Variants in CHODL observed in about 807,000 individuals in gnomAD.
CHODL encodes the protein transmembrane protein MT75.
Under a neutral mutation model 34.5 loss-of-function variants are expected in CHODL, and 29 were observed. The observed-to-expected ratio is 0.84, with a 90% CI of 0.63 to 1.15. The LOEUF is 1.15. CHODL is among the 50% of genes most tolerant of loss of function. The pLI is 0.00. For missense variants in CHODL, 332 were observed against 332.5 expected (o/e 1.00, Z 0.01); for synonymous variants, 125 against 116.1 (o/e 1.08, Z -0.49).
At chr21:18,161,055 G>A (rs544878157) in intron 2 of CHODL, among the ~76,000 whole-genome samples, 1 of 152,190 alleles carries the variant, frequency 6.6e-6, no homozygotes, top group South Asian at 2.1e-4. Context: ...TCTCATTGTG[G>A]TTTTGATTTA....
intron 1 of CHODL, among the ~76,000 whole-genome samples, chr21:17,968,112 T>C (rs769319680): frequency 6.6e-6 from 1 of 152,196 alleles, no homozygotes; most frequent in Non-Finnish European, 1.5e-5. Flanking sequence ...TTTGCCTAGG[T>C]CTGTTGAGAA....
At chr21:18,017,071 T>G (rs2064082092) in intron 1 of CHODL, among the ~76,000 whole-genome samples, 1 of 152,304 alleles carries the variant, frequency 6.6e-6, no homozygotes, top group African/African-American at 2.4e-5. Flanking sequence ...AAGGGACTTG[T>G]CTTGTCTCAG....
chr21:17,964,888 A>G lies in CHODL; in HGVS notation c.-145+47488A>G, dbSNP rs149542875. Among the ~76,000 whole-genome samples the G allele has an allele frequency of 5.4e-4, 83 of 152,324 alleles. 1 individual carries two copies. The East Asian group carries it at 6.9e-3, about 13-fold the overall frequency. ...GTGCCACAGATGTGTTGGGGCAGCAACTGCTGGTTTCCCCATGTCCTGTTT... is the reference window on the plus strand; with the variant it reads ...GTGCCACAGATGTGTTGGGGCAGCAGCTGCTGGTTTCCCCATGTCCTGTTT... On this transcript the variant is annotated intron_variant, in intron 1 of 6. Transcript: ENST00000400127.
At chr21:18,192,223 G>C (rs2073519526) in intron 2 of CHODL, among the ~76,000 whole-genome samples, 1 of 152,128 alleles carries the variant, frequency 6.6e-6, no homozygotes, top group African/African-American at 2.4e-5. Flanking sequence ...CATACAGTCA[G>C]TATGAGATAT....
chr21:18,224,094 C>T (rs1414395911), intron 2 of CHODL, among the ~76,000 whole-genome samples: 1 of 152,088 alleles, frequency 6.6e-6, no homozygotes, highest in Non-Finnish European at 1.5e-5. Flanking sequence ...CTTCTTGGGA[C>T]TCTGAATACT....
At chr21:18,155,182 G>A (rs551181513) in intron 2 of CHODL, among the ~76,000 whole-genome samples, 14 of 152,250 alleles carry the variant, frequency 9.2e-5, no homozygotes, top group South Asian at 8.3e-4. Context: ...GGAAACAAAT[G>A]AGAGATGTGT....
chr21:18,187,283 A>G lies in CHODL; in HGVS notation c.-44-69226A>G, dbSNP rs117670066. On this transcript the variant is annotated intron_variant, in intron 2 of 6. Coordinates refer to the CHODL transcript ENST00000400127. ...GCATTGAACTACCATCCTAAACTGT[A>G]CTCCTCCTTGTTCATTCTTCTCTTC... 4.0e-3 allele frequency among the ~76,000 whole-genome samples: 605 copies of G among 151,472 alleles called. 5 individuals carry two copies. Among genetic ancestry groups the G allele is most frequent in the Non-Finnish European group, 5.5e-3 (375 of 67,796 alleles).
chr21:17,972,507 C>T (rs929067434), intron 1 of CHODL, among the ~76,000 whole-genome samples: 1 of 152,150 alleles, frequency 6.6e-6, no homozygotes, highest in Non-Finnish European at 1.5e-5. Flanking sequence ...AATAGACAAA[C>T]TGAGAGCCAA....
intron 2 of CHODL, among the ~76,000 whole-genome samples, chr21:18,061,045 AC>A (rs760870806): frequency 6.6e-6 from 1 of 152,200 alleles, no homozygotes; most frequent in Non-Finnish European, 1.5e-5. Flanking sequence ...TCTTTCAGGT[AC>A]AAAATGAGAC....
At chr21:18,059,463 A>G (rs1265773700) in intron 2 of CHODL, among the ~76,000 whole-genome samples, 1 of 150,226 alleles carries the variant, frequency 6.7e-6, no homozygotes, top group Non-Finnish European at 1.5e-5. Context: ...TAAAAGGTCC[A>G]TCTAACTGCC....
intron 2 of CHODL, among the ~76,000 whole-genome samples, chr21:18,068,432 G>A (rs1221307670): frequency 1.3e-5 from 2 of 152,092 alleles, no homozygotes; most frequent in Non-Finnish European, 2.9e-5. Flanking sequence ...CCTGATCTCA[G>A]GTGATCCACC....
intron 1 of CHODL, among the ~76,000 whole-genome samples, chr21:18,014,763 T>C (rs2064055328): frequency 6.6e-6 from 1 of 152,210 alleles, no homozygotes; most frequent in South Asian, 2.1e-4. Flanking sequence ...TGAGGTCTCT[T>C]CAGAAGGCGA....
intron 1 of CHODL, among the ~76,000 whole-genome samples, chr21:17,954,614 C>A (rs147926693): frequency 1.5e-5 from 2 of 135,616 alleles, no homozygotes; most frequent in Admixed American, 7.3e-5. Flanking sequence ...TTTATACCAT[C>A]AGTGCAGCTG....
intron 1 of CHODL, among the ~76,000 whole-genome samples, chr21:18,006,972 A>G: frequency 6.6e-6 from 1 of 152,246 alleles, no homozygotes; most frequent in African/African-American, 2.4e-5. Context: ...TGAGTAACAA[A>G]GGACTTTTCT....
At chr21:17,994,129 T>G (rs2063825059) in intron 1 of CHODL, among the ~76,000 whole-genome samples, 1 of 125,036 alleles carries the variant, frequency 8.0e-6, no homozygotes, top group South Asian at 3.0e-4. Context: ...TCTTTACTAT[T>G]TGTTTTCTTC....
intron 1 of CHODL, among the ~76,000 whole-genome samples, chr21:17,968,079 C>G (rs2063586955): frequency 6.6e-6 from 1 of 152,222 alleles, no homozygotes; most frequent in African/African-American, 2.4e-5. Flanking sequence ...GGCTAAATTC[C>G]TTCATCCTTA....
intron 2 of CHODL, among the ~76,000 whole-genome samples, chr21:18,054,181 T>G (rs1284231975): frequency 6.6e-6 from 1 of 151,922 alleles, no homozygotes; most frequent in African/African-American, 2.4e-5. Context: ...CATGTATATA[T>G]CCATATATCC....
At position 18,260,258 on chromosome 21, in the gene CHODL, C is replaced by T; in HGVS notation, c.606C>T (p.Thr202=). The part of the protein sequence containing the change: ...KPYLTNQPGD[T]HQNVVVTEAG... ...ATCTTACAAATCAACCAGGAGACACCCATCAGAATGTGGTTGTTACTGAAG... is the reference window on the plus strand; with the variant it reads ...ATCTTACAAATCAACCAGGAGACACTCATCAGAATGTGGTTGTTACTGAAG... The change falls in exon 4 of 6, where the codon ACC becomes ACT. Residue 202 remains threonine (T), a synonymous_variant. Transcript: ENST00000299295. 1 of 1,586,046 alleles carries T rather than the reference C, an allele frequency of 6.3e-7. No homozygotes were observed. Among genetic ancestry groups the T allele is most frequent in the Non-Finnish European group, 8.6e-7 (1 of 1,168,516 alleles).
intron 2 of CHODL, among the ~76,000 whole-genome samples, chr21:18,183,664 A>G (rs1053309821): frequency 6.6e-6 from 1 of 152,212 alleles, no homozygotes; most frequent in African/African-American, 2.4e-5. Flanking sequence ...GTGGATTTGC[A>G]GATAGATTTG....
Sources: gnomAD v4.1 joint callset for allele counts (sites outside exome capture counted in the v4.1 genomes callset) on GRCh38, gnomAD v4.1.1 for gene constraint, MANE v1.5 for transcripts, NCBI Gene and HGNC (gene_info 2026-07-23, HGNC 2026-07-21) for gene names.